The following CCDC112 variants were observed in gnomAD, a reference collection of about 807,000 sequenced individuals.
CCDC112 encodes the protein coiled-coil domain-containing protein 112.
In CCDC112, 40 loss-of-function variants were observed where a neutral mutation model predicts 66.3. That is an observed-to-expected ratio of 0.60 (90% confidence interval 0.47 to 0.79). The LOEUF is 0.79. CCDC112 is among the 30% of genes least tolerant of loss of function. The pLI is 0.00. For synonymous variants in CCDC112, 214 were observed against 197.2 expected (o/e 1.09, Z -0.71); for missense variants, 659 against 603.8 (o/e 1.09, Z -0.96).
At chr5:115,284,244 T>G (rs968933766) in intron 2 of CCDC112, among the ~76,000 whole-genome samples, 2 of 152,290 alleles carry the variant, frequency 1.3e-5, no homozygotes, top group Middle Eastern at 3.4e-3. Context: ...TCAGAGTGGC[T>G]GGAGCCAGCC....
intron 1 of CCDC112, among the ~76,000 whole-genome samples, chr5:115,291,079 C>G (rs1476765140): frequency 6.6e-6 from 1 of 152,042 alleles, no homozygotes; most frequent in African/African-American, 2.4e-5. Flanking sequence ...AAACAGCTTT[C>G]CATATTTGAT....
rs773282749 is a variant in CCDC112 at position 115,271,503 on chromosome 5, C to T, written c.1042G>A (p.Glu348Lys). The T allele has an allele frequency of 6.2e-7, 1 of 1,613,278 alleles. No homozygotes were observed. The highest frequency in any genetic ancestry group is 2.2e-5 in the East Asian group (1 of 44,796). The stretch of plus-strand genomic sequence containing the variant: ...AATTTCTGTTTCTTTCTTTGTTCCT[C>T]TTTTTGCTTTTGATTATCCTCTTGT... ...NKQEDNQKQK[E>K]EQRKKQKLAV... Residue 348 changes from glutamate to lysine, a missense_variant, in exon 7 of 10, where the codon GAG (glutamate) becomes AAG (lysine). Transcript: ENST00000379611.
intron 6 of CCDC112, among the ~76,000 whole-genome samples, chr5:115,273,687 A>G (rs1477830391): frequency 1.3e-5 from 2 of 152,208 alleles, no homozygotes; most frequent in African/African-American, 2.4e-5. Context: ...GGTTTTCATT[A>G]GCAGAATAAA....
intron 1 of CCDC112, among the ~76,000 whole-genome samples, chr5:115,291,871 T>G (rs1023032374): frequency 6.6e-6 from 1 of 152,306 alleles, no homozygotes; most frequent in Non-Finnish European, 1.5e-5. Context: ...GCTGTTAATC[T>G]TATTGAGGAA....
chr5:115,296,113 G>A, intron 1 of CCDC112: 1 of 1,079,880 alleles, frequency 9.3e-7, no homozygotes, highest in Non-Finnish European at 1.1e-6. Context: ...AAGCTCGGGA[G>A]GTGCATGTTA....
intron 2 of CCDC112, among the ~76,000 whole-genome samples, chr5:115,281,741 A>G (rs1423876045): frequency 6.6e-6 from 1 of 152,246 alleles, no homozygotes; most frequent in Non-Finnish European, 1.5e-5. Flanking sequence ...ATGCTAATTA[A>G]TGGAGACAAG....
chr5:115,286,626 G>T (rs188877722), intron 1 of CCDC112, among the ~76,000 whole-genome samples: 1 of 152,106 alleles, frequency 6.6e-6, no homozygotes, highest in Non-Finnish European at 1.5e-5. Context: ...AAATTGGGTG[G>T]CATAGTGGGG....
At chr5:115,287,658 G>A (rs1042860158) in intron 1 of CCDC112, among the ~76,000 whole-genome samples, 5 of 143,054 alleles carry the variant, frequency 3.5e-5, no homozygotes, top group Admixed American at 1.4e-4. Flanking sequence ...ACCTTCATAA[G>A]TTACCCGAAG....
chr5:115,281,558 T>C (rs1226308262), intron 2 of CCDC112, among the ~76,000 whole-genome samples: 2 of 152,206 alleles, frequency 1.3e-5, no homozygotes, highest in African/African-American at 4.8e-5. Flanking sequence ...GGGAAGTTCA[T>C]CTAGGCTCTG....
In CCDC112 at chr5:115,294,795, G is replaced by A. The variant is rs545439234; in HGVS notation, c.117+1632C>T. 3.9e-5 allele frequency among the ~76,000 whole-genome samples: 6 copies of A among 152,298 alleles called. No homozygotes were observed. In the South Asian group the frequency reaches 1.2e-3, roughly 32 times the overall value. Reference sequence around the variant, plus strand: ...GGTATGTGCGTGTGGTATGCTGGGGGAAGTACAAAAATGGATAACATGTAA... The same window carrying A: ...GGTATGTGCGTGTGGTATGCTGGGGAAAGTACAAAAATGGATAACATGTAA... On this transcript the variant is annotated intron_variant, in intron 1 of 9. Transcript: ENST00000379611.
At chr5:115,267,952 T>C (rs2127046507) in intron 9 of CCDC112, 34 bp from the exon 10 acceptor site, 1 of 1,555,782 alleles carries the variant, frequency 6.4e-7, no homozygotes, top group Non-Finnish European at 8.8e-7. Context: ...ATTGTAAATA[T>C]GTAGGAAATT....
chr5:115,295,554 CAT>C (rs1054804084), intron 1 of CCDC112, among the ~76,000 whole-genome samples: 34 of 152,166 alleles, frequency 2.2e-4, no homozygotes, highest in Non-Finnish European at 2.9e-5. Flanking sequence ...CTCCTCAGCT[CAT>C]GACAGCCTTC....
rs187304678 is a variant in CCDC112, at chr5:115,284,812, G to A, written c.214C>T (p.Arg72Cys). Residue 72 changes from arginine (R) to cysteine (C), a missense_variant, in exon 2 of 10, where the codon CGC becomes TGC. Physicochemically the swap from Arg to Cys is radical, Grantham distance 180. Transcript: ENST00000379611. ...TGATTTTTAAATTTTTCTGCTGTGC[G>A]TACAAATTCTGCTTTCTTAGTCTGA... ...VNQTKKAEFV[R>C]TAEKFKNQVI... The A allele has an allele frequency of 3.6e-5, 58 of 1,607,414 alleles. No individual in the cohort carries two copies. The highest frequency in any genetic ancestry group is 4.3e-5 in the Non-Finnish European group (51 of 1,174,364).
intron 2 of CCDC112, among the ~76,000 whole-genome samples, chr5:115,281,079 A>G (rs1440761292): frequency 1.3e-5 from 2 of 149,846 alleles, no homozygotes; most frequent in African/African-American, 4.9e-5. Context: ...GCTGGAGTGC[A>G]GTGGTGCGAT....
intron 2 of CCDC112, among the ~76,000 whole-genome samples, chr5:115,281,230 G>T (rs1006253965): frequency 2.0e-5 from 3 of 151,906 alleles, no homozygotes; most frequent in African/African-American, 7.3e-5. Context: ...CGCCATGTTG[G>T]CCAGGCTAGT....
intron 3 of CCDC112, among the ~76,000 whole-genome samples, chr5:115,277,357 T>C (rs1749250143): frequency 6.6e-6 from 1 of 152,222 alleles, no homozygotes; most frequent in Non-Finnish European, 1.5e-5. Context: ...CATGTAAATA[T>C]TAGCAGTTTC....
intron 1 of CCDC112, among the ~76,000 whole-genome samples, chr5:115,292,828 T>C (rs1749991951): frequency 1.3e-5 from 2 of 152,238 alleles, no homozygotes. Flanking sequence ...GGGGTCTGTA[T>C]GCATGCTGAA....
chr5:115,278,262 A>G (rs995922732), intron 3 of CCDC112, among the ~76,000 whole-genome samples: 1 of 152,036 alleles, frequency 6.6e-6, no homozygotes, highest in African/African-American at 2.4e-5. Context: ...TTATTTATTC[A>G]TTTGGATAGA....
chr5:115,278,142 C>T (rs980435039), intron 3 of CCDC112, among the ~76,000 whole-genome samples: 2 of 152,038 alleles, frequency 1.3e-5, no homozygotes, highest in Non-Finnish European at 2.9e-5. Flanking sequence ...AACTTTAGGT[C>T]ATGAAACCTC....
Sources: allele counts gnomAD v4.1 joint callset (sites outside exome capture counted in the v4.1 genomes callset), GRCh38; gene constraint gnomAD v4.1.1; transcripts MANE v1.5; gene names NCBI Gene and HGNC (gene_info 2026-07-23, HGNC 2026-07-21).